Variants in LRRC7 observed in about 807,000 individuals in gnomAD.
LRRC7 encodes leucine-rich repeat-containing protein 7.
Under a neutral mutation model 175.7 loss-of-function variants are expected in LRRC7, and 23 were observed. That is an observed-to-expected ratio of 0.13 (90% CI 0.09 to 0.19). LRRC7 has a LOEUF of 0.19. LRRC7 is among the 10% of genes least tolerant of loss of function. LRRC7 has a pLI of 1.00. For synonymous variants in LRRC7, 685 were observed against 680.9 expected (o/e 1.01, Z -0.09); for missense variants, 1,354 against 1,904.7 (o/e 0.71, Z 5.38).
At chr1:70,014,831 CT>C (rs1332163790) in intron 13 of LRRC7, among the ~76,000 whole-genome samples, 1 of 152,044 alleles carries the variant, frequency 6.6e-6, no homozygotes, top group Non-Finnish European at 1.5e-5. Flanking sequence ...TAGGAGCTCA[CT>C]TGCAATAGAG....
chr1:69,857,299 A>G (rs1366816232), intron 7 of LRRC7, among the ~76,000 whole-genome samples: 2 of 152,180 alleles, frequency 1.3e-5, no homozygotes, highest in Non-Finnish European at 2.9e-5. Flanking sequence ...AAGGGTATCC[A>G]ATTAGGAAAA....
At chr1:70,110,185 G>A (rs1665429385) in intron 26 of LRRC7, among the ~76,000 whole-genome samples, 1 of 152,130 alleles carries the variant, frequency 6.6e-6, no homozygotes, top group Non-Finnish European at 1.5e-5. Flanking sequence ...TTTAAGGCCA[G>A]CCTTGGCAGC....
chr1:69,574,688 ATC>A (rs1645872910), intron 1 of LRRC7, among the ~76,000 whole-genome samples: 1 of 152,180 alleles, frequency 6.6e-6, no homozygotes, highest in Admixed American at 6.6e-5. Flanking sequence ...AGTGTTCTGC[ATC>A]AAAAGTATTC....
intron 23 of LRRC7, among the ~76,000 whole-genome samples, chr1:70,072,654 C>T (rs1043567996): frequency 3.9e-5 from 6 of 151,926 alleles, no homozygotes; most frequent in African/African-American, 1.5e-4. Context: ...CTTTTCATGC[C>T]CATTGTTTGT....
intron 3 of LRRC7, among the ~76,000 whole-genome samples, chr1:69,782,620 A>G (rs1395232677): frequency 6.6e-6 from 1 of 152,168 alleles, no homozygotes; most frequent in African/African-American, 2.4e-5. Flanking sequence ...AGGGCCAGGG[A>G]AAAGGGAAAT....
intron 6 of LRRC7, among the ~76,000 whole-genome samples, chr1:69,836,884 A>G (rs1279668283): frequency 2.0e-5 from 3 of 151,226 alleles, no homozygotes; most frequent in Admixed American, 1.3e-4. Context: ...GGAGGCAAAA[A>G]AAAAAGAAAG....
intron 3 of LRRC7, among the ~76,000 whole-genome samples, chr1:69,767,881 T>C (rs1279615865): frequency 1.3e-5 from 2 of 151,982 alleles, no homozygotes; most frequent in African/African-American, 2.4e-5. Flanking sequence ...GTCAGTAAGC[T>C]GAGAGGTGCC....
At chr1:69,907,066 G>T (rs1274043526) in intron 7 of LRRC7, among the ~76,000 whole-genome samples, 1 of 151,992 alleles carries the variant, frequency 6.6e-6, no homozygotes, top group Non-Finnish European at 1.5e-5. Flanking sequence ...CTGTTTGTCT[G>T]TTCTTGGTGT....
Position 70,053,908 on chromosome 1 carries a change from A to G in LRRC7, c.4230+763A>G, listed in dbSNP as rs181188691. On this transcript the variant is annotated intron_variant, in intron 23 of 26. Transcript: ENST00000651989. ...AAAACAAAACTGAACCTTTTTATCA[A>G]TCAGGGAAATGCAAAAGATATGCCA... Among the ~76,000 whole-genome samples, 477 of 152,316 alleles carry G rather than the reference A, an allele frequency of 3.1e-3. 1 individual carries two copies. The highest frequency in any genetic ancestry group is 0.01 in the African/African-American group (433 of 41,572).
chr1:69,590,736 T>C (rs564460210), intron 1 of LRRC7, among the ~76,000 whole-genome samples: 1 of 152,172 alleles, frequency 6.6e-6, no homozygotes, highest in South Asian at 2.1e-4. Context: ...CTATATTGTA[T>C]TGTTAGGCTC....
intron 2 of LRRC7, among the ~76,000 whole-genome samples, chr1:69,717,806 G>GAAATAAATAAATAAATAAAT (rs1486868059): frequency 4.6e-5 from 1 of 21,714 alleles, no homozygotes; most frequent in African/African-American, 2.9e-4. Flanking sequence ...AAGAAAGAAA[G>GAAATAAATAAATAAATAAAT]AAAGAAAGAA....
At chr1:69,821,665 G>A (rs1029809192) in intron 4 of LRRC7, among the ~76,000 whole-genome samples, 7 of 151,986 alleles carry the variant, frequency 4.6e-5, no homozygotes, top group African/African-American at 1.2e-4. Context: ...AGGTTGAGGC[G>A]GGTGGATTAC....
At chr1:69,813,841 G>A (rs1678256869) in intron 4 of LRRC7, among the ~76,000 whole-genome samples, 1 of 152,002 alleles carries the variant, frequency 6.6e-6, no homozygotes, top group Admixed American at 6.6e-5. Context: ...ATCAGAGCTT[G>A]GATTACGTGG....
intron 2 of LRRC7, among the ~76,000 whole-genome samples, chr1:69,690,035 G>C (rs1030420400): frequency 6.6e-6 from 1 of 152,072 alleles, no homozygotes; most frequent in Non-Finnish European, 1.5e-5. Context: ...ATATGTAGAT[G>C]GTTTTTTCAT....
intron 1 of LRRC7, among the ~76,000 whole-genome samples, chr1:69,650,534 C>A (rs1321188044): frequency 6.2e-5 from 2 of 32,232 alleles, no homozygotes; most frequent in African/African-American, 1.7e-4. Context: ...AGAGAGACTC[C>A]GTCTCAAAAA....
chr1:69,919,834 G>C, intron 7 of LRRC7: 1 of 725,654 alleles, frequency 1.4e-6, no homozygotes, highest in Non-Finnish European at 2.4e-6. Flanking sequence ...TTGTCCGCAC[G>C]GAGTGAGGAT....
At chr1:70,112,201 CTT>C (rs1665570982) in intron 26 of LRRC7, among the ~76,000 whole-genome samples, 1 of 152,128 alleles carries the variant, frequency 6.6e-6, no homozygotes, top group Non-Finnish European at 1.5e-5. Flanking sequence ...TCAACAAATA[CTT>C]GGGCTATTAG....
rs2102285173 is a variant in LRRC7, at chr1:70,138,880, TAA to T, written c.*16995_*16996del. The T allele has an allele frequency of 6.6e-6, 1 of 152,322 alleles. No individual in the cohort carries two copies. The highest frequency in any genetic ancestry group is 1.5e-5 in the Non-Finnish European group (1 of 68,028). 9.4% of individuals were successfully genotyped at this position (152,322 alleles called of 1,614,324 possible). Reference sequence around the variant, plus strand: ...CCTCCAGGCATCAGCTACCTGATTTTAAAGAGACCATATTAGAAATGAAAAGC... The same window carrying T: ...CCTCCAGGCATCAGCTACCTGATTTTAGAGACCATATTAGAAATGAAAAGC... On this transcript the variant is annotated 3_prime_UTR_variant, in exon 27 of 27. Transcript: ENST00000651989.
intron 2 of LRRC7, 82 bp downstream of exon 2, chr1:69,678,560 AT>A: frequency 1.1e-6 from 1 of 914,624 alleles, no homozygotes; most frequent in South Asian, 1.5e-5. Flanking sequence ...TGACCTTTAA[AT>A]GGTTAGTCAA....
Sources: gnomAD v4.1 joint callset for allele counts (sites outside exome capture counted in the v4.1 genomes callset) on GRCh38, gnomAD v4.1.1 for gene constraint, MANE v1.5 for transcripts, NCBI Gene and HGNC (gene_info 2026-07-23, HGNC 2026-07-21) for gene names.